The following OSBPL2 variants were observed in gnomAD, a reference collection of about 807,000 sequenced individuals.
OSBPL2 encodes oxysterol-binding protein-related protein 2.
In OSBPL2, 18 loss-of-function variants were observed where a neutral mutation model predicts 58.4. The observed-to-expected ratio is 0.31, with a 90% CI of 0.21 to 0.46. The LOEUF is 0.46. Among genes scored for constraint, OSBPL2 ranks in the 20% least tolerant of loss-of-function variants. OSBPL2 has a pLI of 1.00. For synonymous variants in OSBPL2, 221 were observed against 234.1 expected, an observed-to-expected ratio of 0.94 and a Z score of 0.51; for missense variants, 461 against 616.5, an observed-to-expected ratio of 0.75 and a Z score of 2.67.
At chr20:62,260,947 G>A (rs1211745258) in intron 3 of OSBPL2, among the ~76,000 whole-genome samples, 3 of 152,106 alleles carry the variant, frequency 2.0e-5, no homozygotes, top group African/African-American at 7.2e-5. Context: ...CTACGATGGC[G>A]CCGCTGCACT....
intron 3 of OSBPL2, among the ~76,000 whole-genome samples, chr20:62,260,429 G>A (rs1220220153): frequency 6.6e-6 from 1 of 152,148 alleles, no homozygotes; most frequent in African/African-American, 2.4e-5. Context: ...GGGTGACACA[G>A]GCTTTGTCAG....
At chr20:62,270,024 T>C (rs1343904751) in intron 4 of OSBPL2, among the ~76,000 whole-genome samples, 1 of 152,252 alleles carries the variant, frequency 6.6e-6, no homozygotes, top group Non-Finnish European at 1.5e-5. Flanking sequence ...CTTGACCCAG[T>C]GTCTGAGCAG....
At chr20:62,265,204 A>G (rs1356399358) in intron 4 of OSBPL2, among the ~76,000 whole-genome samples, 10 of 152,226 alleles carry the variant, frequency 6.6e-5, no homozygotes, top group Admixed American at 6.5e-4. Context: ...TGTTCTGTAA[A>G]GGAGAGCTGT....
chr20:62,276,061 T>A (rs1187231255), intron 6 of OSBPL2, among the ~76,000 whole-genome samples: 1 of 152,018 alleles, frequency 6.6e-6, no homozygotes, highest in African/African-American at 2.4e-5. Flanking sequence ...GGATTACAGG[T>A]GCACGCCACC....
At chr20:62,284,003 G>A (rs761448811) in intron 9 of OSBPL2, 43 bp from the exon 10 acceptor site, 1 of 1,584,462 alleles carries the variant, frequency 6.3e-7, no homozygotes, top group Admixed American at 1.7e-5. Context: ...CAAATGGTTT[G>A]TAATGACTAA....
At chr20:62,258,674 A>G (rs1981095980) in intron 2 of OSBPL2, among the ~76,000 whole-genome samples, 1 of 152,038 alleles carries the variant, frequency 6.6e-6, no homozygotes, top group Non-Finnish European at 1.5e-5. Context: ...CAGGTCTTAG[A>G]ATGTTATTAG....
intron 1 of OSBPL2, among the ~76,000 whole-genome samples, chr20:62,244,951 C>G (rs1036910382): frequency 6.6e-6 from 1 of 152,242 alleles, no homozygotes; most frequent in Non-Finnish European, 1.5e-5. Flanking sequence ...GTAGAAACTT[C>G]CTGCGTGAAT....
At chr20:62,246,923 G>A (rs79143045) in intron 1 of OSBPL2, among the ~76,000 whole-genome samples, 174 of 152,330 alleles carry the variant, frequency 1.1e-3, no homozygotes, top group African/African-American at 4.1e-3. Context: ...GCTCGTAGGT[G>A]ACACTTGTTT....
At chr20:62,275,382 C>T (rs1021961449) in intron 6 of OSBPL2, among the ~76,000 whole-genome samples, 10 of 151,406 alleles carry the variant, frequency 6.6e-5, no homozygotes, top group Admixed American at 6.6e-4. Context: ...GGCAGCACTT[C>T]TACATGTCAG....
At chr20:62,279,739 C>T (rs768377082) in intron 7 of OSBPL2, among the ~76,000 whole-genome samples, 2 of 152,232 alleles carry the variant, frequency 1.3e-5, no homozygotes, top group African/African-American at 2.4e-5. Context: ...GGCCGGGGAC[C>T]GTGAGGTTGC....
At chr20:62,292,447 A>T (rs1267098920) in intron 13 of OSBPL2, among the ~76,000 whole-genome samples, 1 of 152,232 alleles carries the variant, frequency 6.6e-6, no homozygotes, top group Non-Finnish European at 1.5e-5. Context: ...GGACGGTGGC[A>T]TGGGCTGCGT....
intron 7 of OSBPL2, chr20:62,280,314 C>G (rs896159666): frequency 2.8e-5 from 10 of 353,558 alleles, no homozygotes; most frequent in South Asian, 8.8e-5. Context: ...AGAGTGTGTC[C>G]TGGGGCTGGT....
chr20:62,259,866 CG>C (rs1312163660), intron 2 of OSBPL2, 114 bp from the exon 3 acceptor site: 2 of 899,260 alleles, frequency 2.2e-6, no homozygotes, highest in Non-Finnish European at 3.5e-6. Flanking sequence ...CAAATGTGTC[CG>C]TTCACACAAC....
chr20:62,269,090 G>A lies in OSBPL2; in HGVS notation c.259-3035G>A, dbSNP rs966665134. Among the ~76,000 whole-genome samples the A allele has an allele frequency of 2.0e-5, 3 of 152,006 alleles. No homozygotes were observed. The highest frequency in any genetic ancestry group is 7.2e-5 in the African/African-American group (3 of 41,394). On this transcript the variant is annotated intron_variant, in intron 4 of 13. Coordinates refer to ENST00000313733, the MANE Select transcript of OSBPL2 (RefSeq NM_144498.4). The surrounding 1 kb of genome is among the most constrained non-coding windows in gnomAD (Gnocchi z 4.2). Reference sequence around the variant, plus strand: ...AAAAAAAATGTTTTTTTGTAGAGACGGGGTCTCACTTTGTTGCCCAGGCTG... The same window carrying A: ...AAAAAAAATGTTTTTTTGTAGAGACAGGGTCTCACTTTGTTGCCCAGGCTG...
intron 4 of OSBPL2, among the ~76,000 whole-genome samples, chr20:62,265,342 A>G (rs1310665601): frequency 6.6e-6 from 1 of 152,226 alleles, no homozygotes; most frequent in East Asian, 1.9e-4. Flanking sequence ...ATAATTGCTC[A>G]AAGTGTTCTA....
At chr20:62,246,792 C>A (rs1980147759) in intron 1 of OSBPL2, among the ~76,000 whole-genome samples, 1 of 152,226 alleles carries the variant, frequency 6.6e-6, no homozygotes, top group African/African-American at 2.4e-5. Context: ...CATGTCACAG[C>A]AGGCTTTGTC....
chr20:62,259,697 A>C (rs1392754691), intron 2 of OSBPL2, among the ~76,000 whole-genome samples: 1 of 152,186 alleles, frequency 6.6e-6, no homozygotes, highest in Non-Finnish European at 1.5e-5. Flanking sequence ...CTTCTGGAAG[A>C]TGAAGCTCAT....
chr20:62,267,405 G>A (rs1981751592), intron 4 of OSBPL2, among the ~76,000 whole-genome samples: 1 of 152,166 alleles, frequency 6.6e-6, no homozygotes, highest in Admixed American at 6.5e-5. Flanking sequence ...GTCAGTGAGA[G>A]TCTCTTCAAG....
Position 62,287,072 on chromosome 20 carries a change from G to A in OSBPL2, c.1125+361G>A, listed in dbSNP as rs536527715. Among the ~76,000 whole-genome samples, 4 of 152,368 alleles carry A rather than the reference G, an allele frequency of 2.6e-5. No homozygotes were observed. In the South Asian group the frequency reaches 6.2e-4, roughly 24 times the overall value. ...GACAGACGTGGCCATTGCCGGCCAA[G>A]TGCGTCTTATCAAAAGAGGCTTCCA... On this transcript the variant is annotated intron_variant, in intron 11 of 13. Coordinates refer to ENST00000313733, the MANE Select transcript of OSBPL2 (RefSeq NM_144498.4).
Sources: gnomAD v4.1 joint callset for allele counts (sites outside exome capture counted in the v4.1 genomes callset) on GRCh38, gnomAD v4.1.1 for gene constraint, Gnocchi (gnomAD v3.1) non-coding constraint, MANE v1.5 for transcripts, NCBI Gene and HGNC (gene_info 2026-07-23, HGNC 2026-07-21) for gene names.